The following SYNE1 variants were observed in gnomAD, a reference collection of about 807,000 sequenced individuals.
The protein encoded by SYNE1 is nesprin-1.
A neutral mutation model predicts 1,111.0 loss-of-function variants in SYNE1; 616 were observed. The ratio of observed to expected loss-of-function variants is 0.55; its 90% confidence interval spans 0.52 to 0.59. SYNE1 has a LOEUF of 0.59. Ranked by LOEUF, SYNE1 falls within the 20% of genes least tolerant of loss-of-function variation. The pLI, the probability that SYNE1 is intolerant of heterozygous loss-of-function variation, is 0.00. For synonymous variants in SYNE1, 3,855 were observed against 3,825.8 expected (o/e 1.01, Z -0.28); for missense variants, 10,006 against 10,417.0 (o/e 0.96, Z 1.72).
At chr6:152,329,061 T>C (rs906462161) in intron 78 of SYNE1, among the ~76,000 whole-genome samples, 17 of 152,360 alleles carry the variant, frequency 1.1e-4, no homozygotes, top group Middle Eastern at 3.4e-3. Flanking sequence ...CATCACTAAT[T>C]ATTCATGGTT....
At chr6:152,151,793 T>G in intron 134 of SYNE1, 103 bp from the exon 135 acceptor site, 1 of 1,533,354 alleles carries the variant, frequency 6.5e-7, no homozygotes, top group Non-Finnish European at 8.8e-7. Flanking sequence ...AGTCATTTTC[T>G]CAGCAAGCAA....
At chr6:152,620,909 A>T (rs1727046) in intron 3 of SYNE1, among the ~76,000 whole-genome samples, 73,779 of 152,088 alleles carry the variant, frequency 0.49, 18,713 homozygotes, top group East Asian at 0.65. Context: ...ATTCTGGGTG[A>T]ATAGGTTAGA....
intron 2 of SYNE1, among the ~76,000 whole-genome samples, chr6:152,632,231 T>A (rs2099699087): frequency 6.6e-6 from 1 of 152,192 alleles, no homozygotes; most frequent in Non-Finnish European, 1.5e-5. Flanking sequence ...CCGATATATA[T>A]TTTTTGTTTC....
At chr6:152,605,225 GA>G (rs1240691951) in intron 3 of SYNE1, among the ~76,000 whole-genome samples, 1 of 151,982 alleles carries the variant, frequency 6.6e-6, no homozygotes, top group Non-Finnish European at 1.5e-5. Context: ...TTAAAATACA[GA>G]AACCTTACTA....
At chr6:152,466,585 A>G (rs1488178459) in intron 16 of SYNE1, among the ~76,000 whole-genome samples, 1 of 152,160 alleles carries the variant, frequency 6.6e-6, no homozygotes, top group Non-Finnish European at 1.5e-5. Flanking sequence ...TATCCATGTT[A>G]TCAATGGTCT....
In SYNE1 at chr6:152,254,851, C is replaced by A. The variant is rs755513989; in HGVS notation, c.19470+29G>T. ...TATTACTGAATACCTAGAGAATGGT[C>A]ACGTATCCTTTGATAATATCTTACT... On this transcript the variant is annotated intron_variant, in intron 104 of 145. Transcript: ENST00000367255. 4 of 1,592,480 alleles carry A rather than the reference C, an allele frequency of 2.5e-6. No homozygotes were observed. In the South Asian group the frequency reaches 3.4e-5, roughly 13 times the overall value.
intron 6 of SYNE1, among the ~76,000 whole-genome samples, chr6:152,513,563 A>C (rs1016388263): frequency 1.3e-5 from 2 of 152,168 alleles, no homozygotes; most frequent in Non-Finnish European, 2.9e-5. Flanking sequence ...CGAACTCCTG[A>C]CATCAAGCAA....
chr6:152,212,059 C>T (rs1270162497), intron 123 of SYNE1, among the ~76,000 whole-genome samples: 2 of 151,932 alleles, frequency 1.3e-5, no homozygotes, highest in Non-Finnish European at 2.9e-5. Context: ...ATTTATTTCA[C>T]TATTTTAAAA....
chr6:152,386,010 T>G (rs561160841), intron 54 of SYNE1, among the ~76,000 whole-genome samples, 172 bp from the exon 55 acceptor site: 5 of 152,314 alleles, frequency 3.3e-5, no homozygotes, highest in African/African-American at 1.2e-4. Context: ...TTTAACTAAA[T>G]GTCAAGGCTT....
intron 33 of SYNE1, chr6:152,435,374 A>T (rs2098464229): frequency 6.9e-6 from 1 of 145,188 alleles, no homozygotes. Context: ...TCAATAGGCC[A>T]AGCAGTTTTT....
At chr6:152,303,327 C>G (rs747614199) in intron 91 of SYNE1, among the ~76,000 whole-genome samples, 13 of 149,426 alleles carry the variant, frequency 8.7e-5, no homozygotes, top group Admixed American at 7.4e-4. Flanking sequence ...TGCTTGAACC[C>G]GGGAGATGGA....
chr6:152,459,024 G>T, intron 21 of SYNE1, 94 bp from the exon 22 acceptor site: 1 of 1,076,026 alleles, frequency 9.3e-7, no homozygotes, highest in Non-Finnish European at 1.4e-6. Context: ...TTTCTTTAGT[G>T]ACATGATCAT....
chr6:152,498,264 T>C (rs776178797), intron 11 of SYNE1, among the ~76,000 whole-genome samples: 1 of 152,208 alleles, frequency 6.6e-6, no homozygotes, highest in Non-Finnish European at 1.5e-5. Context: ...TGACATGTCA[T>C]GAATTTTACT....
chr6:152,609,884 C>T lies in SYNE1; in HGVS notation c.67+18381G>A, dbSNP rs541783676. Among the ~76,000 whole-genome samples the T allele has an allele frequency of 5.3e-5, 8 of 152,338 alleles. No homozygotes were observed. In the East Asian group the frequency reaches 1.5e-3, roughly 29 times the overall value. On this transcript the variant is annotated intron_variant, in intron 3 of 145. Transcript: ENST00000367255. ...GGAGTGGACCTCCAGCAAACTCCAA[C>T]AGACCTGTAGCTGAGGGACCTGACT... is the stretch of plus-strand genomic sequence containing the variant.
In SYNE1 at chr6:152,369,106, A is replaced by G; in HGVS notation, c.9673T>C (p.Cys3225Arg). ...KLQSVLEEIHCYEPQLNRLKE... is the reference protein window; with the variant it reads ...KLQSVLEEIHRYEPQLNRLKE... ...AGCCTGTTGAGCTGAGGCTCGTAGC[A>G]GTGTATTTCCTCAAGGACAGACTGA... The change falls in exon 61 of 146, where the codon TGC becomes CGC. Residue 3225 changes from cysteine to arginine, a missense_variant. Transcript: ENST00000367255. 1.9e-6 allele frequency: 3 copies of G among 1,613,846 alleles called. No individual in the cohort carries two copies. The highest frequency in any genetic ancestry group is 2.5e-6 in the Non-Finnish European group (3 of 1,180,034).
chr6:152,399,278 TCAG>T (rs2097777041), intron 48 of SYNE1, among the ~76,000 whole-genome samples: 1 of 152,182 alleles, frequency 6.6e-6, no homozygotes, highest in Non-Finnish European at 1.5e-5. Flanking sequence ...ATAAAAAATT[TCAG>T]CAGTTGTTTG....
In SYNE1 at chr6:152,121,925, GAAAACAAGGTA is replaced by G. The variant is rs1428708028; in HGVS notation, c.*500_*510del. 1 of 160,498 alleles carries G rather than the reference GAAAACAAGGTA, an allele frequency of 6.2e-6. No homozygotes were observed. Among genetic ancestry groups the G allele is most frequent in the African/African-American group, 2.4e-5 (1 of 41,510 alleles). The allele number at this position is 160,498 out of a possible 1,614,324, so 9.9% of individuals were successfully genotyped here. On this transcript the variant is annotated 3_prime_UTR_variant, in exon 146 of 146. Transcript: ENST00000367255. ...AAGGTTAAAACATCATGCCCCAAAGGAAAACAAGGTAAAAAGGAAGCTGCCATATAAGCTCT... is the reference window on the plus strand; with the variant it reads ...AAGGTTAAAACATCATGCCCCAAAGGAAAAGGAAGCTGCCATATAAGCTCT...
chr6:152,436,263 C>T (rs962329338), intron 32 of SYNE1, among the ~76,000 whole-genome samples, 162 bp from the exon 33 acceptor site: 1 of 152,082 alleles, frequency 6.6e-6, no homozygotes, highest in African/African-American at 2.4e-5. Flanking sequence ...TGACTTATTT[C>T]CATATGGCCA....
At chr6:152,502,551 AT>A (rs1564491882) in intron 10 of SYNE1, 81 bp downstream of exon 10, 1 of 1,082,420 alleles carries the variant, frequency 9.2e-7, no homozygotes. Flanking sequence ...TTCAAATTTA[AT>A]TTTTTGAGAA....
Sources: gnomAD v4.1 joint callset for allele counts (sites outside exome capture counted in the v4.1 genomes callset) on GRCh38, gnomAD v4.1.1 for gene constraint, MANE v1.5 for transcripts, NCBI Gene and HGNC (gene_info 2026-07-23, HGNC 2026-07-21) for gene names.